NRK: variants seen among roughly 807,000 people sequenced by gnomAD.
NRK encodes the protein nik-related protein kinase.
NRK carries 67 observed loss-of-function variants against 125.2 expected under a neutral mutation model. The ratio of observed to expected loss-of-function variants is 0.54; its 90% CI spans 0.44 to 0.66. The LOEUF (loss-of-function observed/expected upper bound fraction) is 0.66. NRK is among the 30% of genes least tolerant of loss of function. The pLI is 0.00. For missense variants in NRK, 1,224 were observed against 1,192.9 expected (o/e 1.03, Z -0.38); for synonymous variants, 458 against 429.0 (o/e 1.07, Z -0.84).
At chrX:105,917,290 A>G (rs2040378204) in intron 15 of NRK, among the ~76,000 whole-genome samples, 1 of 111,154 alleles carries the variant, frequency 9.0e-6, no homozygotes, top group African/African-American at 3.3e-5. Flanking sequence ...TCTGAATGTT[A>G]GCTTTAAAAG....
chrX:105,863,357 C>CACACACACACACACACACACACAT (rs372176349), intron 2 of NRK, among the ~76,000 whole-genome samples: 1 of 106,493 alleles, frequency 9.4e-6, no homozygotes, highest in African/African-American at 3.5e-5. Flanking sequence ...CACACACACA[C>CACACACACACACACACACACACAT]ATACTATTTT....
At chrX:105,825,785 C>T (rs2039084387) in intron 1 of NRK, among the ~76,000 whole-genome samples, 1 of 110,486 alleles carries the variant, frequency 9.1e-6, no homozygotes, top group African/African-American at 3.3e-5. Flanking sequence ...AATGTAATTA[C>T]AATAGATCAA....
rs764846749 is a variant in NRK, at chrX:105,905,407, T to A, written c.845+64T>A. 5 of 801,521 alleles carry A rather than the reference T, an allele frequency of 6.2e-6. No individual in the cohort carries two copies. In the Admixed American group the frequency reaches 1.0e-4, roughly 16 times the overall value. The allele number at this position is 801,521 out of a possible 1,213,427, so 66.1% of individuals were successfully genotyped here. ...TGACATTTTTATGTTAGCAAAGAAG[T>A]TTTAATTCATTTGGTCAGTCCTGCT... is the stretch of plus-strand genomic sequence containing the variant. On this transcript the variant is annotated intron_variant, in intron 10 of 28. Transcript: ENST00000243300.
intron 2 of NRK, among the ~76,000 whole-genome samples, chrX:105,867,153 A>G (rs752923260): frequency 8.9e-6 from 1 of 112,015 alleles, no homozygotes; most frequent in Non-Finnish European, 1.9e-5. Flanking sequence ...TTTAGATTTT[A>G]AATTAATTCA....
chrX:105,860,547 C>A (rs1034404118), intron 2 of NRK, among the ~76,000 whole-genome samples: 1 of 110,231 alleles, frequency 9.1e-6, no homozygotes, highest in East Asian at 2.9e-4. Flanking sequence ...ACCCTCTAAC[C>A]ATTAGCAGTC....
chrX:105,855,464 C>T (rs184527330), intron 2 of NRK, among the ~76,000 whole-genome samples: 5 of 111,141 alleles, frequency 4.5e-5, no homozygotes, highest in Admixed American at 1.9e-4. Context: ...TGAGAAGATT[C>T]GGGGTGAGGC....
chrX:105,880,287 CT>C, intron 3 of NRK, 32 bp downstream of exon 3: 1 of 679,654 alleles, frequency 1.5e-6, no homozygotes, highest in Admixed American at 3.4e-5. Context: ...ATTCTCTTCC[CT>C]TAGTGGACTG....
intron 2 of NRK, among the ~76,000 whole-genome samples, chrX:105,845,055 C>G (rs2039383592): frequency 9.0e-6 from 1 of 111,298 alleles, no homozygotes; most frequent in Non-Finnish European, 1.9e-5. Flanking sequence ...GTTACAGTAA[C>G]AGAGATTTAG....
At position 105,923,562 on chromosome X, in the gene NRK, T is replaced by G. The variant is rs1442015885; in HGVS notation, c.2975+80T>G. Reference sequence around the variant, plus strand: ...TGCATTTTTGGTTTATTTTCAAAATTTATTACCAAGAGAGTGACCTAATTT... The same window carrying G: ...TGCATTTTTGGTTTATTTTCAAAATGTATTACCAAGAGAGTGACCTAATTT... On this transcript the variant is annotated intron_variant, in intron 18 of 28. Transcript: ENST00000243300. The G allele has an allele frequency of 6.0e-6, 4 of 671,437 alleles. No homozygotes were observed. The African/African-American group carries it at 6.7e-5, about 11-fold the overall frequency. 55.3% of individuals were successfully genotyped at this position (671,437 alleles called of 1,213,427 possible). A position where few individuals can be genotyped will look rare whatever the true frequency, so the allele number is the denominator to read the frequency against.
At chrX:105,895,873 G>A (rs753721117) in intron 7 of NRK, among the ~76,000 whole-genome samples, 1 of 111,719 alleles carries the variant, frequency 9.0e-6, no homozygotes, top group Non-Finnish European at 1.9e-5. Context: ...TCGATGCCAA[G>A]GGAAGGGATT....
At chrX:105,916,468 A>T (rs2040367686) in intron 15 of NRK, among the ~76,000 whole-genome samples, 1 of 111,250 alleles carries the variant, frequency 9.0e-6, no homozygotes, top group African/African-American at 3.3e-5. Flanking sequence ...CTTAGCCTAT[A>T]TTGATTCATT....
chrX:105,871,077 A>G (rs1378444770), intron 2 of NRK, among the ~76,000 whole-genome samples: 1 of 111,933 alleles, frequency 8.9e-6, no homozygotes, highest in Non-Finnish European at 1.9e-5. Flanking sequence ...ATCAACTGCA[A>G]GTATTTAGTG....
At chrX:105,933,097 A>G (rs1268553886) in intron 19 of NRK, among the ~76,000 whole-genome samples, 1 of 111,191 alleles carries the variant, frequency 9.0e-6, no homozygotes, top group Non-Finnish European at 1.9e-5. Flanking sequence ...AAAGAAAAAA[A>G]GGAAGGAAGG....
chrX:105,832,004 A>G (rs1448872013), intron 2 of NRK, among the ~76,000 whole-genome samples: 1 of 111,712 alleles, frequency 9.0e-6, no homozygotes, highest in Non-Finnish European at 1.9e-5. Flanking sequence ...TTATATGCAA[A>G]AAAAAATTAC....
chrX:105,909,112 C>T lies in NRK; in HGVS notation c.1471C>T (p.Leu491=), dbSNP rs752361085. The T allele has an allele frequency of 4.1e-6, 5 of 1,209,418 alleles. No individual in the cohort carries two copies. The Admixed American group carries it at 1.1e-4, about 26-fold the overall frequency. The change falls in exon 13 of 29, where the codon CTG becomes TTG. Residue 491 remains leucine (L), a synonymous_variant. Coordinates refer to ENST00000243300, the MANE Select transcript of NRK (RefSeq NM_198465.4). ...GGCACAGGTTAGGGCACCTAGGCTT[C>T]TGCAGGTACAGTCCCAGGTATCCAA... The part of the protein sequence containing the change: ...LQAQVRAPRL[L]QVQSQVSKKQ...
At position 105,949,674 on chromosome X, in the gene NRK, G is replaced by A. The variant is rs751894113; in HGVS notation, c.4453G>A (p.Ala1485Thr). ...CAATGCTGAAGCCCTCTCTGTGGAAGCAAATGAACAACTCTTCAAGAAGAT... is the reference window on the plus strand; with the variant it reads ...CAATGCTGAAGCCCTCTCTGTGGAAACAAATGAACAACTCTTCAAGAAGAT... Reference protein sequence around the residue: ...TFNAEALSVEANEQLFKKILE... With the variant: ...TFNAEALSVETNEQLFKKILE... Residue 1485 changes from alanine to threonine, a missense_variant, in exon 27 of 29, where the codon GCA (alanine) becomes ACA (threonine). Physicochemically the swap from Ala to Thr is moderately conservative, Grantham distance 58 (BLOSUM62 0). Transcript: ENST00000243300. 1 of 1,200,251 alleles carries A rather than the reference G, an allele frequency of 8.3e-7. No homozygotes were observed. The highest frequency in any genetic ancestry group is 1.7e-5 in the African/African-American group (1 of 57,468).
intron 26 of NRK, 39 bp downstream of exon 26, chrX:105,946,503 A>T: frequency 2.9e-6 from 3 of 1,033,716 alleles, no homozygotes; most frequent in South Asian, 2.2e-5. Context: ...ATTATTGTAT[A>T]CCACCATTTG....
At chrX:105,884,516 A>C (rs756526071) in intron 4 of NRK, among the ~76,000 whole-genome samples, 1 of 111,650 alleles carries the variant, frequency 9.0e-6, no homozygotes, top group South Asian at 3.7e-4. Flanking sequence ...GTAGTTGCCT[A>C]TTTTTCCTGC....
At chrX:105,883,169 C>A (rs1482990204) in intron 4 of NRK, among the ~76,000 whole-genome samples, 1 of 112,446 alleles carries the variant, frequency 8.9e-6, no homozygotes, top group East Asian at 2.8e-4. Flanking sequence ...TTATGTGTTT[C>A]TCACAAGCTC....
Sources: allele counts gnomAD v4.1 joint callset (sites outside exome capture counted in the v4.1 genomes callset), GRCh38; gene constraint gnomAD v4.1.1; transcripts MANE v1.5; gene names NCBI Gene and HGNC (gene_info 2026-07-23, HGNC 2026-07-21).